The following ZFHX3 variants were observed in gnomAD, a reference collection of about 807,000 sequenced individuals.
ZFHX3 encodes the protein zinc finger homeobox 3, also known as zinc finger homeobox protein 3.
ZFHX3 carries 42 observed loss-of-function variants against 279.1 expected under a neutral mutation model. The ratio of observed to expected loss-of-function variants is 0.15; its 90% CI spans 0.12 to 0.19. ZFHX3 has a LOEUF of 0.19. ZFHX3 is among the 10% of genes least tolerant of loss of function. The pLI is 1.00. For synonymous variants in ZFHX3, 2,293 were observed against 1,957.8 expected (o/e 1.17, Z -4.52); for missense variants, 4,981 against 4,754.0 (o/e 1.05, Z -1.40).
At chr16:72,960,371 A>G (rs529749501) in intron 1 of ZFHX3, among the ~76,000 whole-genome samples, 177 bp from the exon 2 acceptor site, 2 of 152,166 alleles carry the variant, frequency 1.3e-5, no homozygotes, top group Non-Finnish European at 2.9e-5. Context: ...CACACGGTCC[A>G]GCACACAGGG....
At chr16:73,858,048 A>C (rs142881415) in intron 1 of ZFHX3, among the ~76,000 whole-genome samples, 5 of 151,820 alleles carry the variant, frequency 3.3e-5, no homozygotes, top group African/African-American at 9.7e-5. Flanking sequence ...GTGAGCTGAT[A>C]TCAGGCCACT....
Position 72,786,415 on chromosome 16 carries a change from AT to A in ZFHX3, c.*748del, listed in dbSNP as rs71156124. Reference sequence around the variant, plus strand: ...ACACTCTTTGTGTGTGTGGGTTATTATTTTTTTTTTTTTTTGAAAGTGGGAG... The same window carrying A: ...ACACTCTTTGTGTGTGTGGGTTATTATTTTTTTTTTTTTTGAAAGTGGGAG... On this transcript the variant is annotated 3_prime_UTR_variant, in exon 10 of 10. Transcript: ENST00000268489. 2,460 of 141,498 alleles carry A rather than the reference AT, an allele frequency of 0.017. 46 individuals carry two copies. The highest frequency in any genetic ancestry group is 0.048 in the Admixed American group (677 of 14,242). 8.8% of individuals were successfully genotyped at this position (141,498 alleles called of 1,614,324 possible). A position where few individuals can be genotyped will look rare whatever the true frequency, so the allele number is the denominator to read the frequency against.
chr16:72,987,560 T>C (rs561989142), intron 1 of ZFHX3, among the ~76,000 whole-genome samples: 1 of 152,180 alleles, frequency 6.6e-6, no homozygotes, highest in South Asian at 2.1e-4. Context: ...TGTGTACACA[T>C]GTATGCTTCA....
intron 1 of ZFHX3, among the ~76,000 whole-genome samples, chr16:73,750,248 A>G (rs1367550251): frequency 6.6e-6 from 1 of 152,214 alleles, no homozygotes; most frequent in Admixed American, 6.5e-5. Context: ...GAAGAAAAAA[A>G]CAGATCCTAA....
intron 4 of ZFHX3, among the ~76,000 whole-genome samples, chr16:72,839,756 T>C (rs2037297769): frequency 6.6e-6 from 1 of 151,634 alleles, no homozygotes; most frequent in South Asian, 2.1e-4. Context: ...ATGGTCAGAA[T>C]TGGGGGTTCA....
At chr16:73,297,147 G>A (rs565101233) in intron 4 of ZFHX3, among the ~76,000 whole-genome samples, 15 of 151,978 alleles carry the variant, frequency 9.9e-5, no homozygotes, top group African/African-American at 3.6e-4. Flanking sequence ...AAAGTGCTGG[G>A]ATTACAGGCA....
chr16:73,710,018 C>G (rs996663897), intron 1 of ZFHX3, among the ~76,000 whole-genome samples: 3 of 59,396 alleles, frequency 5.1e-5, no homozygotes, highest in African/African-American at 1.1e-4. Context: ...CTCATCTCTA[C>G]TAAAAATACA....
chr16:73,021,830 C>CAAAAAAAAAAAAAAAAAAAAAAAAAAAA, intron 1 of ZFHX3, among the ~76,000 whole-genome samples: 1 of 71,822 alleles, frequency 1.4e-5, no homozygotes, highest in Non-Finnish European at 2.7e-5. Flanking sequence ...GACTCCATCT[C>CAAAAAAAAAAAAAAAAAAAAAAAAAAAA]AAAAAAAAAA....
chr16:73,155,003 A>G (rs775670151), intron 5 of ZFHX3, among the ~76,000 whole-genome samples: 26 of 151,606 alleles, frequency 1.7e-4, no homozygotes, highest in Non-Finnish European at 2.8e-4. Flanking sequence ...GCGAAACCCC[A>G]TCTCTACTAA....
At chr16:73,166,120 C>G (rs1395407151) in intron 5 of ZFHX3, among the ~76,000 whole-genome samples, 2 of 152,106 alleles carry the variant, frequency 1.3e-5, no homozygotes, top group Non-Finnish European at 2.9e-5. Flanking sequence ...CGCATTGGAC[C>G]TAAGTAAATT....
chr16:73,633,883 G>C (rs575625824), intron 2 of ZFHX3, among the ~76,000 whole-genome samples: 1 of 150,906 alleles, frequency 6.6e-6, no homozygotes, highest in East Asian at 1.9e-4. Context: ...GGGCGACAGA[G>C]CAAGACTCCA....
intron 2 of ZFHX3, among the ~76,000 whole-genome samples, chr16:73,650,290 C>G (rs566488252): frequency 6.6e-6 from 1 of 151,460 alleles, no homozygotes; most frequent in South Asian, 2.1e-4. Flanking sequence ...CAGAAGAAGC[C>G]CAAAGATGGA....
chr16:73,554,687 G>A (rs138265929), intron 2 of ZFHX3: 151 of 152,256 alleles, frequency 9.9e-4, no homozygotes, highest in African/African-American at 3.2e-3. Context: ...TCTTCAGCCC[G>A]TTGGTGGTCA....
intron 3 of ZFHX3, among the ~76,000 whole-genome samples, chr16:73,327,702 C>CGCTG (rs1357482294): frequency 6.6e-6 from 1 of 152,162 alleles, no homozygotes; most frequent in African/African-American, 2.4e-5. Flanking sequence ...AAGCTTAGAC[C>CGCTG]CAGCAGGCTG....
intron 2 of ZFHX3, among the ~76,000 whole-genome samples, chr16:73,612,689 C>T (rs917488815): frequency 6.6e-6 from 1 of 152,096 alleles, no homozygotes; most frequent in African/African-American, 2.4e-5. Flanking sequence ...TGAGGACCAT[C>T]CTATCAGTGA....
chr16:72,964,979 G>A (rs1439593770), intron 1 of ZFHX3, among the ~76,000 whole-genome samples: 1 of 152,126 alleles, frequency 6.6e-6, no homozygotes, highest in African/African-American at 2.4e-5. Flanking sequence ...TTGGGCTCAA[G>A]CGATTCTCCT....
intron 3 of ZFHX3, among the ~76,000 whole-genome samples, chr16:73,454,830 G>C (rs752010853): frequency 2.0e-5 from 3 of 151,594 alleles, no homozygotes; most frequent in Non-Finnish European, 2.9e-5. Flanking sequence ...ATAATGTTAT[G>C]CAAATATTCA....
intron 2 of ZFHX3, among the ~76,000 whole-genome samples, chr16:73,618,740 C>T (rs1409453949): frequency 6.6e-6 from 1 of 152,206 alleles, no homozygotes; most frequent in Non-Finnish European, 1.5e-5. Flanking sequence ...GAAGGTGAAG[C>T]AGTGCACCTA....
chr16:72,895,227 T>A (rs1461142753), intron 3 of ZFHX3, among the ~76,000 whole-genome samples: 2 of 152,062 alleles, frequency 1.3e-5, no homozygotes, highest in Non-Finnish European at 2.9e-5. Flanking sequence ...TCTAAGAAAA[T>A]AAGGAAGGGT....
Sources: allele counts gnomAD v4.1 joint callset (sites outside exome capture counted in the v4.1 genomes callset), GRCh38; gene constraint gnomAD v4.1.1; transcripts MANE v1.5; gene names NCBI Gene and HGNC (gene_info 2026-07-23, HGNC 2026-07-21).